Variants in GNB1L observed in about 807,000 individuals in gnomAD.
The protein encoded by GNB1L is G protein subunit beta 1 like, also known as guanine nucleotide-binding protein subunit beta-like protein 1.
GNB1L carries 20 observed loss-of-function variants against 29.1 expected under a neutral mutation model. The observed-to-expected ratio is 0.69, with a 90% CI of 0.48 to 1.00. GNB1L has a LOEUF of 1.00. Among genes scored for constraint, GNB1L ranks in the 50% least tolerant of loss-of-function variants. GNB1L has a pLI of 0.00. For missense variants in GNB1L, 421 were observed against 464.9 expected (o/e 0.91, Z 0.87); for synonymous variants, 193 against 206.5 (o/e 0.93, Z 0.56).
chr22:19,826,495 G>T (rs1015948958), intron 2 of GNB1L, among the ~76,000 whole-genome samples: 1 of 152,148 alleles, frequency 6.6e-6, no homozygotes, highest in African/African-American at 2.4e-5. Flanking sequence ...AGAGCACTCG[G>T]GTATATAAGG....
rs1938009973 is a variant in GNB1L, at chr22:19,848,150, C to T, written c.-21+6293G>A. 3.0e-6 allele frequency: 3 copies of T among 985,294 alleles called. No individual in the cohort carries two copies. The African/African-American group carries it at 5.2e-5, about 17-fold the overall frequency. 61.0% of individuals were successfully genotyped at this position (985,294 alleles called of 1,614,324 possible). ...TAGTACTTCCTATTTTAAAGTTTTC[C>T]TTGCAGACAGGTACTTTAAATACCA... is the stretch of plus-strand genomic sequence containing the variant. On this transcript the variant is annotated intron_variant, in intron 2 of 7. Coordinates refer to ENST00000329517, the MANE Select transcript of GNB1L (RefSeq NM_053004.3).
At chr22:19,808,545 C>T (rs187146243) in intron 5 of GNB1L, among the ~76,000 whole-genome samples, 1 of 152,314 alleles carries the variant, frequency 6.6e-6, no homozygotes, top group Admixed American at 6.5e-5. Context: ...CCAAGGATTC[C>T]TTGCGGAAAA....
At chr22:19,834,464 G>A (rs1353111339) in intron 2 of GNB1L, among the ~76,000 whole-genome samples, 2 of 152,132 alleles carry the variant, frequency 1.3e-5, no homozygotes, top group African/African-American at 2.4e-5. Context: ...GAGGAGCAAT[G>A]GTAAAATGCG....
chr22:19,806,739 G>T lies in GNB1L; in HGVS notation c.436C>A (p.Pro146Thr). Residue 146 changes from proline (P) to threonine (T), a missense_variant, in exon 6 of 8, where the codon CCC becomes ACC. Pro to Thr is a conservative substitution (Grantham distance 38). Coordinates refer to ENST00000329517, the MANE Select transcript of GNB1L (RefSeq NM_053004.3). ...AGGGCGCACACTGACGTCTTGGAGG[G>T]CATCTCCAGAATCTGAACCTGACAG... ...GSDEVQILEM[P>T]SKTSVCALKP... 3 of 1,612,440 alleles carry T rather than the reference G, an allele frequency of 1.9e-6. No individual in the cohort carries two copies. The highest frequency in any genetic ancestry group is 2.5e-6 in the Non-Finnish European group (3 of 1,178,720).
intron 2 of GNB1L, among the ~76,000 whole-genome samples, chr22:19,826,162 A>C (rs546292248): frequency 5.7e-4 from 87 of 152,274 alleles, no homozygotes; most frequent in African/African-American, 2.0e-3. Context: ...GCTTAGGGCC[A>C]TCCTATGGTG....
chr22:19,806,468 T>G (rs950320906), intron 6 of GNB1L, among the ~76,000 whole-genome samples, 191 bp downstream of exon 6: 1 of 152,218 alleles, frequency 6.6e-6, no homozygotes, highest in African/African-American at 2.4e-5. Context: ...CCTGGGGCAC[T>G]GACAGGAGGC....
chr22:19,812,397 C>T lies in GNB1L; in HGVS notation c.305G>A (p.Ser102Asn). 1 of 1,613,426 alleles carries T rather than the reference C, an allele frequency of 6.2e-7. No individual in the cohort carries two copies. Among genetic ancestry groups the T allele is most frequent in the Non-Finnish European group, 8.5e-7 (1 of 1,179,894 alleles). Residue 102 changes from serine (S) to asparagine (N), a missense_variant, in exon 5 of 8, where the codon AGC (serine) becomes AAC (asparagine). Transcript: ENST00000329517. ...CAAGCACACGGAGTCCACGACAGCG[C>T]TCCTGCCCTCCGCGAGGTCCCACAG... ...LCLWDLAEGR[S>N]AVVDSVCLES... is the part of the protein sequence containing the mutation.
At chr22:19,851,225 TG>T (rs1938087513) in intron 2 of GNB1L, 2 of 1,599,616 alleles carry the variant, frequency 1.3e-6, no homozygotes, top group African/African-American at 2.7e-5. Flanking sequence ...CACCACCTCC[TG>T]TGGGGTACCT....
intron 2 of GNB1L, among the ~76,000 whole-genome samples, chr22:19,824,499 T>C (rs1414343318): frequency 6.6e-6 from 1 of 152,182 alleles, no homozygotes; most frequent in African/African-American, 2.4e-5. Context: ...GCCACATTCT[T>C]TGAAAAATGA....
chr22:19,848,733 C>T (rs1158317443), intron 2 of GNB1L: 1 of 985,392 alleles, frequency 1.0e-6, no homozygotes, highest in Non-Finnish European at 1.2e-6. Context: ...ATAACTCACA[C>T]ACCCCCAGGA....
chr22:19,836,395 GA>G (rs55792949), intron 2 of GNB1L, among the ~76,000 whole-genome samples: 77,190 of 150,814 alleles, frequency 0.51, 20,959 homozygotes, highest in African/African-American at 0.71. Context: ...AATCCTTGGG[GA>G]AAAAAAAAAA....
chr22:19,853,371 G>A (rs909900120), intron 2 of GNB1L, among the ~76,000 whole-genome samples: 1 of 152,128 alleles, frequency 6.6e-6, no homozygotes, highest in Non-Finnish European at 1.5e-5. Context: ...AGGCTCCAGA[G>A]CCAGTAGCCA....
rs147844556 is a variant in GNB1L at position 19,802,041 on chromosome 22, G to A, written c.692C>T (p.Ala231Val). ...ARGISGSAGK[A>V]LAVWSLDWQQ... ...CCAGTCCAGGCTCCAGACAGCCAGCGCCTTCCCCGCGGAGCCTGAGATGCC... is the reference window on the plus strand; with the variant it reads ...CCAGTCCAGGCTCCAGACAGCCAGCACCTTCCCCGCGGAGCCTGAGATGCC... The change falls in exon 7 of 8, where the codon GCG becomes GTG. Residue 231 changes from alanine to valine, a missense_variant. Physicochemically the swap from Ala to Val is moderately conservative, Grantham distance 64 (BLOSUM62 0). Transcript: ENST00000329517. 66 of 1,608,048 alleles carry A rather than the reference G, an allele frequency of 4.1e-5. No individual in the cohort carries two copies. Among genetic ancestry groups the A allele is most frequent in the East Asian group, 3.4e-4 (15 of 44,576 alleles).
At position 19,786,674 on chromosome 22, in the gene GNB1L, C is replaced by T. The variant is rs1937194222; in HGVS notation, c.*2035G>A. ...AGGCTGTCAAGGGCATGCAGGGAAA[C>T]TGCAAAGCCAATTCCCACTCCACCT... On this transcript the variant is annotated 3_prime_UTR_variant, in exon 8 of 8. Coordinates refer to ENST00000329517, the MANE Select transcript of GNB1L (RefSeq NM_053004.3). 6.6e-6 allele frequency: 1 copy of T among 152,210 alleles called. No homozygotes were observed. The highest frequency in any genetic ancestry group is 1.5e-5 in the Non-Finnish European group (1 of 68,042). The allele number at this position is 152,210 out of a possible 1,614,324, so 9.4% of individuals were successfully genotyped here.
intron 7 of GNB1L, among the ~76,000 whole-genome samples, chr22:19,794,328 A>G (rs1364823498): frequency 1.3e-5 from 2 of 152,222 alleles, no homozygotes; most frequent in Non-Finnish European, 2.9e-5. Flanking sequence ...AGTCACAGAA[A>G]GACTAAAAAG....
At chr22:19,794,224 T>C (rs1937281922) in intron 7 of GNB1L, among the ~76,000 whole-genome samples, 1 of 152,144 alleles carries the variant, frequency 6.6e-6, no homozygotes, top group South Asian at 2.1e-4. Flanking sequence ...CACCCCAGCC[T>C]GGGTGACAGA....
At chr22:19,792,251 A>C in intron 7 of GNB1L, 3 of 636,528 alleles carry the variant, frequency 4.7e-6, no homozygotes, top group Non-Finnish European at 5.5e-6. Context: ...AAACTCCTTA[A>C]CTATGTTCAA....
At chr22:19,793,193 CA>C in intron 7 of GNB1L, 1 of 736,042 alleles carries the variant, frequency 1.4e-6, no homozygotes, top group South Asian at 1.8e-5. Flanking sequence ...AATAATTACC[CA>C]AAAAATTGTC....
chr22:19,850,455 A>C, intron 2 of GNB1L: 1 of 999,114 alleles, frequency 1.0e-6, no homozygotes, highest in Non-Finnish European at 1.2e-6. Flanking sequence ...TCAGAACACC[A>C]GGCACGATTA....
Sources: allele counts gnomAD v4.1 joint callset (sites outside exome capture counted in the v4.1 genomes callset), GRCh38; gene constraint gnomAD v4.1.1; transcripts MANE v1.5; gene names NCBI Gene and HGNC (gene_info 2026-07-23, HGNC 2026-07-21).